Variants in SNX10 observed in about 807,000 individuals in gnomAD.
SNX10 encodes sorting nexin 10.
SNX10 carries 25 observed loss-of-function variants against 28.5 expected under a neutral mutation model. The ratio of observed to expected loss-of-function variants is 0.88; its 90% CI spans 0.64 to 1.22. The LOEUF (loss-of-function observed/expected upper bound fraction) is 1.22, where lower values mean the gene tolerates loss of function less well. Among genes scored for constraint, SNX10 ranks in the 50% most tolerant of loss-of-function variants. SNX10 has a pLI of 0.00. For synonymous variants in SNX10, 62 were observed against 81.4 expected (o/e 0.76, Z 1.28); for missense variants, 223 against 242.6 (o/e 0.92, Z 0.54).
rs981396940 is a variant in SNX10, at chr7:26,316,196, A to C, written c.-24+24110A>C. On this transcript the variant is annotated intron_variant, in intron 1 of 6. Coordinates refer to ENST00000338523, the MANE Select transcript of SNX10 (RefSeq NM_013322.3). ...GAGACTGTCTCAAAAAAAAAAAAAA[A>C]ACAAAAAACCTAGAGTAAAAAAAAT... 6.6e-5 allele frequency among the ~76,000 whole-genome samples: 10 copies of C among 151,954 alleles called. No individual in the cohort carries two copies. The East Asian group carries it at 1.7e-3, about 26-fold the overall frequency.
intron 1 of SNX10, among the ~76,000 whole-genome samples, chr7:26,319,350 G>A (rs912136738): frequency 2.0e-5 from 3 of 152,060 alleles, no homozygotes; most frequent in Non-Finnish European, 4.4e-5. Context: ...CCTCATTCTT[G>A]CCATTTCTGT....
chr7:26,361,444 T>A (rs187738928), intron 3 of SNX10, among the ~76,000 whole-genome samples: 122 of 152,294 alleles, frequency 8.0e-4, no homozygotes, highest in Non-Finnish European at 1.3e-3. Flanking sequence ...TAGAGTTCTT[T>A]GGAAAAGAGA....
intron 5 of SNX10, among the ~76,000 whole-genome samples, chr7:26,369,884 GT>G (rs1789446067): frequency 6.6e-6 from 1 of 152,204 alleles, no homozygotes; most frequent in Non-Finnish European, 1.5e-5. Flanking sequence ...CATGTGTTAA[GT>G]TACTAGCAAG....
rs185308639 is a variant in SNX10, at chr7:26,307,828, C to A, written c.-24+15742C>A. Among the ~76,000 whole-genome samples the A allele has an allele frequency of 3.9e-5, 6 of 152,206 alleles. No individual in the cohort carries two copies. In the East Asian group the frequency reaches 7.7e-4, roughly 20 times the overall value. ...GGGTACATTGGTAACAGTTGATGAA[C>A]CTGCACTGATACATTATCATCACCC... On this transcript the variant is annotated intron_variant, in intron 1 of 6. Transcript: ENST00000338523.
chr7:26,322,658 A>G (rs1787354220), intron 1 of SNX10, among the ~76,000 whole-genome samples: 1 of 152,234 alleles, frequency 6.6e-6, no homozygotes, highest in Non-Finnish European at 1.5e-5. Flanking sequence ...TCAGATGAAC[A>G]TTTTATTTTA....
At chr7:26,330,714 G>A (rs1787713559) in intron 1 of SNX10, among the ~76,000 whole-genome samples, 1 of 152,122 alleles carries the variant, frequency 6.6e-6, no homozygotes. Flanking sequence ...TTTTGGACAT[G>A]AGGGTTGTGA....
chr7:26,314,287 T>G (rs1666589402), intron 1 of SNX10, among the ~76,000 whole-genome samples: 1 of 151,630 alleles, frequency 6.6e-6, no homozygotes, highest in South Asian at 2.1e-4. Flanking sequence ...AGATGGAGTC[T>G]CACTCTGTTG....
At chr7:26,318,632 T>G (rs531122499) in intron 1 of SNX10, among the ~76,000 whole-genome samples, 1 of 152,254 alleles carries the variant, frequency 6.6e-6, no homozygotes, top group East Asian at 1.9e-4. Flanking sequence ...AAAAAATGCT[T>G]CGCTAATTTT....
intron 1 of SNX10, among the ~76,000 whole-genome samples, chr7:26,308,989 C>CT (rs1403169838): frequency 3.3e-5 from 5 of 152,270 alleles, no homozygotes; most frequent in African/African-American, 1.2e-4. Context: ...GATCGATTGT[C>CT]TTTGAGTAAG....
At chr7:26,308,711 C>A (rs561472427) in intron 1 of SNX10, among the ~76,000 whole-genome samples, 1 of 152,084 alleles carries the variant, frequency 6.6e-6, no homozygotes, top group Non-Finnish European at 1.5e-5. Flanking sequence ...TAATCAAACC[C>A]AAGGAGGAGG....
intron 5 of SNX10, among the ~76,000 whole-genome samples, chr7:26,369,957 T>C (rs1039134556): frequency 2.0e-5 from 3 of 152,216 alleles, no homozygotes; most frequent in African/African-American, 7.2e-5. Context: ...GAAATAAAGC[T>C]AAAATGAATT....
intron 2 of SNX10, among the ~76,000 whole-genome samples, chr7:26,348,462 A>G (rs1381611261): frequency 6.6e-6 from 1 of 152,254 alleles, no homozygotes; most frequent in African/African-American, 2.4e-5. Context: ...GCTGCTTTTT[A>G]TAGAGAAAGA....
chr7:26,310,803 C>T (rs931319736), intron 1 of SNX10, among the ~76,000 whole-genome samples: 1 of 151,938 alleles, frequency 6.6e-6, no homozygotes, highest in Non-Finnish European at 1.5e-5. Context: ...CTGTCTCAGC[C>T]TCCCGAGTAG....
At position 26,364,657 on chromosome 7, in the gene SNX10, G is replaced by A; in HGVS notation, c.212+22G>A. 2.0e-6 allele frequency: 3 copies of A among 1,528,386 alleles called. No individual in the cohort carries two copies. Among genetic ancestry groups the A allele is most frequent in the Non-Finnish European group, 2.7e-6 (3 of 1,108,712 alleles). 94.7% of individuals were successfully genotyped at this position (1,528,386 alleles called of 1,614,324 possible). Reference sequence around the variant, plus strand: ...TGGTGTAAGTGATTTAGAGTATACTGTGGAGACTTTGTCATTATATTCAGT... The same window carrying A: ...TGGTGTAAGTGATTTAGAGTATACTATGGAGACTTTGTCATTATATTCAGT... On this transcript the variant is annotated intron_variant, in intron 4 of 6. Coordinates refer to ENST00000338523, the MANE Select transcript of SNX10 (RefSeq NM_013322.3). The surrounding 1 kb of genome is among the most constrained non-coding windows in gnomAD (Gnocchi z 4.9).
intron 1 of SNX10, among the ~76,000 whole-genome samples, chr7:26,332,190 T>C (rs914153261): frequency 1.3e-5 from 2 of 152,238 alleles, no homozygotes; most frequent in Non-Finnish European, 2.9e-5. Context: ...CACAATTTTT[T>C]ATTTCCACCA....
intron 1 of SNX10, among the ~76,000 whole-genome samples, chr7:26,306,280 C>T (rs1210475681): frequency 6.6e-6 from 1 of 152,148 alleles, no homozygotes; most frequent in African/African-American, 2.4e-5. Context: ...AGGCATTGGA[C>T]ATCCGTGAGT....
At position 26,313,213 on chromosome 7, in the gene SNX10, T is replaced by A. The variant is rs573606662; in HGVS notation, c.-24+21127T>A. Among the ~76,000 whole-genome samples the A allele has an allele frequency of 1.1e-4, 17 of 152,272 alleles. No individual in the cohort carries two copies. In the East Asian group the frequency reaches 3.1e-3, roughly 28 times the overall value. Reference sequence around the variant, plus strand: ...TTAGCAGATACCTGCCCCCACTTTTTAAAAAAAGAACATTTTATTGTGATT... The same window carrying A: ...TTAGCAGATACCTGCCCCCACTTTTAAAAAAAAGAACATTTTATTGTGATT... On this transcript the variant is annotated intron_variant, in intron 1 of 6. Coordinates refer to ENST00000338523, the MANE Select transcript of SNX10 (RefSeq NM_013322.3).
At chr7:26,333,163 A>G (rs1478268681) in intron 1 of SNX10, among the ~76,000 whole-genome samples, 1 of 152,154 alleles carries the variant, frequency 6.6e-6, no homozygotes, top group Admixed American at 6.5e-5. Flanking sequence ...CACTTTGGGC[A>G]GTGTTGCCAT....
intron 1 of SNX10, among the ~76,000 whole-genome samples, chr7:26,338,241 C>T (rs528603268): frequency 5.3e-5 from 8 of 151,848 alleles, no homozygotes; most frequent in South Asian, 4.2e-4. Flanking sequence ...ACCAGCCTCC[C>T]GAGTGGCCTG....
Sources: allele counts gnomAD v4.1 joint callset (sites outside exome capture counted in the v4.1 genomes callset), GRCh38; gene constraint gnomAD v4.1.1; non-coding constraint Gnocchi (gnomAD v3.1); transcripts MANE v1.5; gene names NCBI Gene and HGNC (gene_info 2026-07-23, HGNC 2026-07-21).